Variants in ZSCAN5A observed in about 807,000 individuals in gnomAD.
ZSCAN5A encodes zinc finger and SCAN domain-containing protein 5A.
Under a neutral mutation model 23.7 loss-of-function variants are expected in ZSCAN5A, and 12 were observed. The ratio of observed to expected loss-of-function variants is 0.51; its 90% CI spans 0.32 to 0.82. ZSCAN5A has a LOEUF of 0.82. ZSCAN5A is among the 40% of genes least tolerant of loss of function. The pLI, the probability that ZSCAN5A is intolerant of heterozygous loss-of-function variation, is 0.03. For missense variants in ZSCAN5A, 597 were observed against 617.9 expected, an observed-to-expected ratio of 0.97 and a Z score of 0.36; for synonymous variants, 257 against 239.9, an observed-to-expected ratio of 1.07 and a Z score of -0.66.
chr19:56,284,231 GC>G (rs1469957786), intron 2 of ZSCAN5A: 2 of 968,506 alleles, frequency 2.1e-6, no homozygotes, highest in Non-Finnish European at 2.5e-6. Flanking sequence ...ACTTCACAAT[GC>G]CCCCAGACTG....
At chr19:56,286,419 T>C (rs1359991681) in intron 2 of ZSCAN5A, 1 of 152,164 alleles carries the variant, frequency 6.6e-6, no homozygotes, top group African/African-American at 2.4e-5. Flanking sequence ...GCTGCATCTA[T>C]GCACCGCCAG....
intron 2 of ZSCAN5A, chr19:56,245,292 C>T (rs773866285): frequency 4.7e-5 from 34 of 729,232 alleles, no homozygotes; most frequent in African/African-American, 8.8e-5. Context: ...GAAATCCCTG[C>T]CAGTGTCAGA....
intron 2 of ZSCAN5A, chr19:56,274,964 GTT>G (rs1330408332): frequency 2.0e-5 from 3 of 152,166 alleles, no homozygotes; most frequent in Non-Finnish European, 4.4e-5. Context: ...CTCAATTTGG[GTT>G]TGTCTGAAGC....
Position 56,222,113 on chromosome 19 carries a change from G to C in ZSCAN5A, c.953C>G (p.Pro318Arg), listed in dbSNP as rs375144691. 2 of 1,614,122 alleles carry C rather than the reference G, an allele frequency of 1.2e-6. No homozygotes were observed. The highest frequency in any genetic ancestry group is 2.7e-5 in the African/African-American group (2 of 75,028). Reference sequence around the variant, plus strand: ...TCCCGGGGATTCTCTGTTGCCCACAGGTGTGGCTTCTCCTTGAGGCTCTTC... The same window carrying C: ...TCCCGGGGATTCTCTGTTGCCCACACGTGTGGCTTCTCCTTGAGGCTCTTC... ...SQEEPQGEAT[P>R]VGNRESPGQA... is the part of the protein sequence containing the mutation. Residue 318 changes from proline (P) to arginine (R), a missense_variant, in exon 6 of 6, where the codon CCT becomes CGT. This residue lies in a region of ZSCAN5A where 406 missense variants were observed against 353.2 expected (regional missense o/e 1.15). Coordinates refer to ENST00000683990, the MANE Select transcript of ZSCAN5A (RefSeq NM_001322064.3).
At chr19:56,310,545 T>C (rs1212077345) in intron 2 of ZSCAN5A, 1 of 152,276 alleles carries the variant, frequency 6.6e-6, no homozygotes, top group African/African-American at 2.4e-5. Context: ...CAGTTAACTG[T>C]GCACTTTACA....
intron 2 of ZSCAN5A, among the ~76,000 whole-genome samples, chr19:56,311,673 A>G (rs1402682421): frequency 6.6e-6 from 1 of 152,186 alleles, no homozygotes; most frequent in Non-Finnish European, 1.5e-5. Context: ...GATAATATAT[A>G]TATATTTTTA....
intron 2 of ZSCAN5A, among the ~76,000 whole-genome samples, chr19:56,259,185 T>C (rs1203800374): frequency 6.6e-6 from 1 of 152,138 alleles, no homozygotes; most frequent in Non-Finnish European, 1.5e-5. Flanking sequence ...CAGCATTGTG[T>C]CTTCCCACCC....
chr19:56,292,854 A>G (rs926831367), intron 2 of ZSCAN5A, among the ~76,000 whole-genome samples: 3 of 152,254 alleles, frequency 2.0e-5, no homozygotes, highest in African/African-American at 7.2e-5. Flanking sequence ...CACTCAGCAC[A>G]GTGTCCTCAA....
At position 56,341,143 on chromosome 19, in the gene ZSCAN5A, C is replaced by T. The variant is rs534588452; in HGVS notation, c.-358+22092G>A. On this transcript the variant is annotated intron_variant, in intron 2 of 6. Coordinates refer to the ZSCAN5A transcript ENST00000587340. ...CAAGTATCAATAGCCAAATTGATCA[C>T]GCAAAAGAAACGATATCAGAGATTG... The T allele has an allele frequency of 1.2e-4, 19 of 152,072 alleles. 1 individual carries two copies. In the East Asian group the frequency reaches 2.5e-3, roughly 20 times the overall value. The allele number at this position is 152,072 out of a possible 1,614,324, so 9.4% of individuals were successfully genotyped here. A position where few individuals can be genotyped will look rare whatever the true frequency, so the allele number is the denominator to read the frequency against.
At chr19:56,366,797 G>A (rs772285653) in intron 1 of ZSCAN5A, among the ~76,000 whole-genome samples, 37 of 152,206 alleles carry the variant, frequency 2.4e-4, no homozygotes, top group South Asian at 1.9e-3. Flanking sequence ...ATGTGCCTAA[G>A]TTTATATATT....
intron 2 of ZSCAN5A, among the ~76,000 whole-genome samples, chr19:56,278,185 G>A (rs1031648397): frequency 1.3e-5 from 2 of 151,716 alleles, no homozygotes; most frequent in African/African-American, 4.8e-5. Context: ...ACAGTGGCAC[G>A]GTCTCGGCTC....
intron 2 of ZSCAN5A, chr19:56,320,695 C>A (rs2041366517): frequency 1.1e-6 from 1 of 887,780 alleles, no homozygotes; most frequent in African/African-American, 1.6e-5. Flanking sequence ...ACTCCTTAAT[C>A]CCATAGTTCA....
Position 56,264,087 on chromosome 19 carries a change from A to G in ZSCAN5A, c.-127-38914T>C, listed in dbSNP as rs1363854962. ...TGGCTCACTGCAACCTCCGCCTCCC[A>G]GGTTCAAGCAACTCTCCTGCCTCAG... is the stretch of plus-strand genomic sequence containing the variant. On this transcript the variant is annotated intron_variant, in intron 2 of 5. Transcript: ENST00000683990. Among the ~76,000 whole-genome samples, 3 of 151,140 alleles carry G rather than the reference A, an allele frequency of 2.0e-5. No individual in the cohort carries two copies. In the East Asian group the frequency reaches 5.8e-4, roughly 29 times the overall value.
chr19:56,232,312 C>A (rs10404583), intron 2 of ZSCAN5A, among the ~76,000 whole-genome samples: 121,891 of 151,958 alleles, frequency 0.8, 49,071 homozygotes, highest in African/African-American at 0.84. Context: ...TATTGATAGA[C>A]TCATACCAGA....
At chr19:56,318,955 T>G (rs1174104784), upstream of ZSCAN5A, among the ~76,000 whole-genome samples, 2 of 152,146 alleles carry the variant, frequency 1.3e-5, no homozygotes, top group Admixed American at 1.3e-4. Flanking sequence ...TAAAGGAGTA[T>G]CCAACTCTCT....
chr19:56,222,010 T>C lies in ZSCAN5A; in HGVS notation c.1056A>G (p.Ala352=). The change falls in exon 6 of 6, where the codon GCA becomes GCG. Residue 352 remains alanine (A), a synonymous_variant. Coordinates refer to ENST00000683990, the MANE Select transcript of ZSCAN5A (RefSeq NM_001322064.3). ...ACACGTCACATGCAAAGGGCGGCAG[T>C]GCCTTGGCTTCTTGGCCATCCGGGT... is the stretch of plus-strand genomic sequence containing the variant. ...VSHPDGQEAK[A]LPPFACDVCE... The C allele has an allele frequency of 1.9e-6, 3 of 1,614,190 alleles. No homozygotes were observed. Among genetic ancestry groups the C allele is most frequent in the South Asian group, 1.1e-5 (1 of 91,086 alleles).
intron 2 of ZSCAN5A, chr19:56,302,113 C>T (rs144785271): frequency 5.0e-5 from 62 of 1,230,768 alleles, no homozygotes; most frequent in Non-Finnish European, 5.9e-5. Context: ...GAAGGCAGCA[C>T]GGAGGGGAGG....
chr19:56,246,973 C>A (rs201896720), intron 2 of ZSCAN5A: 3 of 1,447,614 alleles, frequency 2.1e-6, no homozygotes, highest in Non-Finnish European at 2.9e-6. Flanking sequence ...CCCAGGAAAA[C>A]CTGAGATAAA....
intron 2 of ZSCAN5A, among the ~76,000 whole-genome samples, chr19:56,324,173 T>C (rs1235448205): frequency 1.3e-5 from 2 of 152,186 alleles, no homozygotes; most frequent in African/African-American, 4.8e-5. Flanking sequence ...AACTCTCTAA[T>C]TCCATGAGAT....
Sources: allele counts gnomAD v4.1 joint callset (sites outside exome capture counted in the v4.1 genomes callset), GRCh38; gene constraint gnomAD v4.1.1; regional missense constraint gnomAD v4.1.1; transcripts MANE v1.5; gene names NCBI Gene and HGNC (gene_info 2026-07-23, HGNC 2026-07-21).